Variants in TMEM232 observed in about 807,000 individuals in gnomAD.
The protein encoded by TMEM232 is transmembrane protein 232.
TMEM232 carries 80 observed loss-of-function variants against 78.8 expected under a neutral mutation model. That is an observed-to-expected ratio of 1.01 (90% CI 0.85 to 1.22). The LOEUF is 1.22. TMEM232 is among the 50% of genes most tolerant of loss of function. TMEM232 has a pLI of 0.00. For missense variants in TMEM232, 881 were observed against 742.2 expected (o/e 1.19, Z -2.17); for synonymous variants, 297 against 254.3 (o/e 1.17, Z -1.60).
At chr5:110,738,191 T>C, upstream of TMEM232, 1 of 1,277,086 alleles carries the variant, frequency 7.8e-7, no homozygotes, top group African/African-American at 1.5e-5. Flanking sequence ...CATGGAAGTC[T>C]TCCTCAGATC....
chr5:110,573,272 A>G (rs1777170309), intron 10 of TMEM232, among the ~76,000 whole-genome samples: 1 of 152,082 alleles, frequency 6.6e-6, no homozygotes, highest in Non-Finnish European at 1.5e-5. Flanking sequence ...GAATATTTCT[A>G]CTTATATGAA....
intron 12 of TMEM232, among the ~76,000 whole-genome samples, chr5:110,482,701 C>T (rs1764011653): frequency 6.6e-6 from 1 of 151,316 alleles, no homozygotes; most frequent in African/African-American, 2.4e-5. Context: ...TGCAACTAAA[C>T]CCGTAAACAT....
At chr5:110,622,989 T>C (rs1279917971) in intron 7 of TMEM232, among the ~76,000 whole-genome samples, 1 of 123,826 alleles carries the variant, frequency 8.1e-6, no homozygotes, top group Non-Finnish European at 1.7e-5. Context: ...ACTTAAAGTA[T>C]AATAATAAAT....
chr5:110,693,413 G>A (rs917885941), intron 1 of TMEM232, among the ~76,000 whole-genome samples: 5 of 152,172 alleles, frequency 3.3e-5, no homozygotes, highest in Non-Finnish European at 7.4e-5. Context: ...TCCTCCAAAG[G>A]AATGCAGCTC....
chr5:110,650,623 A>C (rs567893472), intron 2 of TMEM232, among the ~76,000 whole-genome samples: 1 of 152,284 alleles, frequency 6.6e-6, no homozygotes, highest in East Asian at 1.9e-4. Context: ...CAACAGGAGA[A>C]CATTCTACAA....
At chr5:110,610,085 T>C (rs1034421344) in intron 8 of TMEM232, among the ~76,000 whole-genome samples, 4 of 151,666 alleles carry the variant, frequency 2.6e-5, no homozygotes, top group African/African-American at 7.3e-5. Flanking sequence ...AAAAATATAA[T>C]TAAAATCCAT....
chr5:110,562,264 A>G (rs1306794852), intron 11 of TMEM232, among the ~76,000 whole-genome samples: 1 of 152,058 alleles, frequency 6.6e-6, no homozygotes, highest in Non-Finnish European at 1.5e-5. Context: ...GGTAATGCAA[A>G]CAAACCTTCC....
intron 2 of TMEM232, among the ~76,000 whole-genome samples, chr5:110,654,729 T>C (rs1788795563): frequency 6.6e-6 from 1 of 152,184 alleles, no homozygotes; most frequent in African/African-American, 2.4e-5. Flanking sequence ...ATCTATAAAT[T>C]ACCTTGGGCA....
At chr5:110,517,598 G>C (rs1356318377) in intron 12 of TMEM232, among the ~76,000 whole-genome samples, 1 of 152,108 alleles carries the variant, frequency 6.6e-6, no homozygotes, top group African/African-American at 2.4e-5. Flanking sequence ...ACAACTGCAG[G>C]GAGTCACATT....
At chr5:110,404,500 C>A (rs1057430189) in intron 2 of TMEM232, among the ~76,000 whole-genome samples, 4 of 151,996 alleles carry the variant, frequency 2.6e-5, no homozygotes, top group African/African-American at 7.2e-5. Flanking sequence ...TTATTCAGGG[C>A]AGATCTAGAT....
chr5:110,490,899 G>A (rs947548464), intron 12 of TMEM232, among the ~76,000 whole-genome samples: 10 of 151,948 alleles, frequency 6.6e-5, no homozygotes, highest in Non-Finnish European at 2.9e-5. Flanking sequence ...AAAAATAGGC[G>A]TAAACCTTTG....
At position 110,678,567 on chromosome 5, in the gene TMEM232, G is replaced by A. The variant is rs183787657; in HGVS notation, c.-12-11203C>T. ...CCATAGTTTACATTAGGGTTCACTC[G>A]GTGTTGCACATTCTATGGGTTTGGA... is the stretch of plus-strand genomic sequence containing the variant. On this transcript the variant is annotated intron_variant, in intron 1 of 13. Transcript: ENST00000455884. 1.4e-3 allele frequency among the ~76,000 whole-genome samples: 208 copies of A among 152,094 alleles called. 1 individual carries two copies. Among genetic ancestry groups the A allele is most frequent in the African/African-American group, 4.9e-3 (202 of 41,464 alleles).
At chr5:110,673,800 CA>C (rs1791672687) in intron 1 of TMEM232, among the ~76,000 whole-genome samples, 1 of 152,082 alleles carries the variant, frequency 6.6e-6, no homozygotes, top group South Asian at 2.1e-4. Flanking sequence ...TCTTTCTTCC[CA>C]AAGTGAAACG....
At chr5:110,659,783 G>A (rs951845887) in intron 2 of TMEM232, among the ~76,000 whole-genome samples, 2 of 152,130 alleles carry the variant, frequency 1.3e-5, no homozygotes, top group African/African-American at 4.8e-5. Flanking sequence ...GATATAATTT[G>A]TTAATTCAAT....
chr5:110,667,235 T>G lies in TMEM232; in HGVS notation c.118A>C (p.Lys40Gln). 6.5e-7 allele frequency: 1 copy of G among 1,543,856 alleles called. No homozygotes were observed. The highest frequency in any genetic ancestry group is 8.8e-7 in the Non-Finnish European group (1 of 1,142,572). ...AATTATTTTCTAGCTTACCTTGATT[T>G]ATGACCCCTTTCTCCACTTAAATGT... ...FQHLSGERGH[K>Q]SRPTFSITKE... The change falls in exon 2 of 14, where the codon AAA becomes CAA. Residue 40 changes from lysine (K) to glutamine (Q), a missense_variant. Transcript: ENST00000455884.
intron 10 of TMEM232, among the ~76,000 whole-genome samples, chr5:110,601,891 A>G (rs1262203587): frequency 6.6e-6 from 1 of 152,210 alleles, no homozygotes; most frequent in Admixed American, 6.6e-5. Flanking sequence ...CCTGACTTCA[A>G]ACTATACTAC....
chr5:110,625,559 T>C, intron 6 of TMEM232, 126 bp from the exon 7 acceptor site: 2 of 846,740 alleles, frequency 2.4e-6, no homozygotes, highest in Non-Finnish European at 3.3e-6. Flanking sequence ...TAGTTTCCTA[T>C]TTAAGATTTA....
intron 1 of TMEM232, among the ~76,000 whole-genome samples, chr5:110,719,560 T>C (rs191423469): frequency 7.2e-5 from 11 of 152,180 alleles, no homozygotes; most frequent in Admixed American, 4.6e-4. Context: ...TTGTTGGAAA[T>C]TGGTTATTTT....
chr5:110,670,138 T>TA (rs531136532), intron 1 of TMEM232, among the ~76,000 whole-genome samples: 1 of 152,062 alleles, frequency 6.6e-6, no homozygotes, highest in Non-Finnish European at 1.5e-5. Flanking sequence ...CCAGGGCAAT[T>TA]AGACAGGAGA....
Sources: gnomAD v4.1 joint callset for allele counts (sites outside exome capture counted in the v4.1 genomes callset) on GRCh38, gnomAD v4.1.1 for gene constraint, MANE v1.5 for transcripts, NCBI Gene and HGNC (gene_info 2026-07-23, HGNC 2026-07-21) for gene names.